The following EVC2 variants were observed in gnomAD, a reference collection of about 807,000 sequenced individuals.
The protein encoded by EVC2 is limbin.
Under a neutral mutation model 149.3 loss-of-function variants are expected in EVC2, and 148 were observed. That is an observed-to-expected ratio of 0.99 (90% CI 0.87 to 1.14). The LOEUF (loss-of-function observed/expected upper bound fraction) is 1.14. Ranked by LOEUF, EVC2 falls within the 50% of genes most tolerant of loss-of-function variation. The probability of loss-of-function intolerance (pLI) is 0.00; values close to 1 mark genes in which losing one functional copy is unlikely to be tolerated. For missense variants in EVC2, 1,854 were observed against 1,627.3 expected (o/e 1.14, Z -2.40); for synonymous variants, 776 against 649.9 (o/e 1.19, Z -2.95).
intron 16 of EVC2, among the ~76,000 whole-genome samples, chr4:5,598,650 T>C (rs2108807254): frequency 1.3e-5 from 2 of 152,244 alleles, no homozygotes; most frequent in East Asian, 3.9e-4. Flanking sequence ...ATTCAGGACA[T>C]AGGCATGGGC....
chr4:5,706,433 G>GATAGATAGATAC lies in EVC2; in HGVS notation c.228+1852_228+1853insGTATCTATCTAT, dbSNP rs1560243791. On this transcript the variant is annotated intron_variant, in intron 1 of 21. Transcript: ENST00000344408. ...AGATACATAGATAGATAGATACATAGATAGATAGATAGATACATACATACA... is the reference window on the plus strand; with the variant it reads ...AGATACATAGATAGATAGATACATAGATAGATAGATACATAGATAGATAGATACATACATACA... Among the ~76,000 whole-genome samples the GATAGATAGATAC allele has an allele frequency of 1.7e-3, 45 of 25,736 alleles. 1 individual carries two copies. The highest frequency in any genetic ancestry group is 3.6e-3 in the African/African-American group (36 of 10,014). The allele number at this position is 25,736 out of a possible 152,430, so 16.9% of individuals were successfully genotyped here.
At chr4:5,683,385 T>G (rs138962131) in intron 6 of EVC2, among the ~76,000 whole-genome samples, 2 of 152,330 alleles carry the variant, frequency 1.3e-5, no homozygotes, top group East Asian at 3.9e-4. Flanking sequence ...CTTCAGCTCT[T>G]TGTGAAACAT....
rs1722063712 is a variant in EVC2, at chr4:5,563,142, C to G, written c.3660-27G>C. 5 of 1,606,674 alleles carry G rather than the reference C, an allele frequency of 3.1e-6. No individual in the cohort carries two copies. The South Asian group carries it at 4.4e-5, about 14-fold the overall frequency. On this transcript the variant is annotated intron_variant, in intron 21 of 21. Coordinates refer to ENST00000344408, the MANE Select transcript of EVC2 (RefSeq NM_147127.5). The stretch of plus-strand genomic sequence containing the variant: ...TAAAGAAATAGCAAAAGATCAAATT[C>G]AATATTTTTGGCAATGAACCCTCTG...
At chr4:5,600,468 A>G (rs1230158756) in intron 16 of EVC2, among the ~76,000 whole-genome samples, 4 of 152,194 alleles carry the variant, frequency 2.6e-5, no homozygotes, top group African/African-American at 9.6e-5. Flanking sequence ...AAATCTTTAC[A>G]GTGGAGATGC....
At chr4:5,645,599 T>G (rs771121955) in intron 9 of EVC2, among the ~76,000 whole-genome samples, 1 of 152,246 alleles carries the variant, frequency 6.6e-6, no homozygotes, top group Non-Finnish European at 1.5e-5. Flanking sequence ...TCTCACTCTT[T>G]TTTAACGGCT....
At chr4:5,538,981 A>G (rs528100453), downstream of EVC2, among the ~76,000 whole-genome samples, 8 of 152,192 alleles carry the variant, frequency 5.3e-5, no homozygotes, top group Non-Finnish European at 1.0e-4. Context: ...AATAAAAAGC[A>G]TTCAGATTGG....
intron 16 of EVC2, among the ~76,000 whole-genome samples, chr4:5,594,338 G>C (rs561259591): frequency 6.6e-6 from 1 of 152,162 alleles, no homozygotes; most frequent in Non-Finnish European, 1.5e-5. Context: ...GGGGCAGACT[G>C]ACACCTCACA....
intron 16 of EVC2, among the ~76,000 whole-genome samples, chr4:5,599,041 G>C (rs903431004): frequency 1.3e-5 from 2 of 152,094 alleles, no homozygotes; most frequent in African/African-American, 4.8e-5. Context: ...ACACCAGTTA[G>C]AATGGCAATC....
At chr4:5,544,657 T>C (rs777822756) in intron 21 of EVC2, among the ~76,000 whole-genome samples, 8 of 152,048 alleles carry the variant, frequency 5.3e-5, no homozygotes, top group Non-Finnish European at 1.2e-4. Context: ...TCTCCGCATA[T>C]CACACTGGAT....
At chr4:5,555,484 C>T (rs1721822238) in intron 21 of EVC2, among the ~76,000 whole-genome samples, 2 of 152,040 alleles carry the variant, frequency 1.3e-5, no homozygotes, top group South Asian at 4.1e-4. Flanking sequence ...CTAACACTAA[C>T]TAAAAGAGAG....
In EVC2 at chr4:5,568,387, T is replaced by TG. The variant is rs1453034441; in HGVS notation, c.3557+56dup. On this transcript the variant is annotated intron_variant, in intron 20 of 21. Coordinates refer to ENST00000344408, the MANE Select transcript of EVC2 (RefSeq NM_147127.5). ...GGCCTCCCATGACCTTGAGGACTCA[T>TG]GGGGACCCTTGTGGACAGGGACGTG... is the stretch of plus-strand genomic sequence containing the variant. 4.6e-6 allele frequency: 7 copies of TG among 1,517,942 alleles called. No homozygotes were observed. In the African/African-American group the frequency reaches 6.9e-5, roughly 15 times the overall value. The allele number at this position is 1,517,942 out of a possible 1,614,324, so 94.0% of individuals were successfully genotyped here. A position where few individuals can be genotyped will look rare whatever the true frequency, so the allele number is the denominator to read the frequency against.
chr4:5,641,849 T>TG (rs1272441931), intron 9 of EVC2, among the ~76,000 whole-genome samples: 1 of 152,230 alleles, frequency 6.6e-6, no homozygotes, highest in African/African-American at 2.4e-5. Flanking sequence ...GGTTTACATG[T>TG]GCCATGGTGG....
At chr4:5,665,000 C>T (rs924901428) in intron 8 of EVC2, among the ~76,000 whole-genome samples, 2 of 135,156 alleles carry the variant, frequency 1.5e-5, no homozygotes, top group Non-Finnish European at 3.2e-5. Flanking sequence ...TGTGGGGTGA[C>T]GGGATGCGTG....
chr4:5,545,169 C>T (rs1433609014), intron 21 of EVC2, among the ~76,000 whole-genome samples: 1 of 152,226 alleles, frequency 6.6e-6, no homozygotes, highest in African/African-American at 2.4e-5. Flanking sequence ...AGATAGTGAG[C>T]TCCTCTCCAG....
chr4:5,628,558 C>T lies in EVC2; in HGVS notation c.1886+1G>A. ...ACTGTTGGGACAGTGTTGAGTGGTA[C>T]CTCTCGTGCTTCTGAATGAGGTGAG... On this transcript the variant is annotated splice_donor_variant, in intron 12 of 21. Coordinates refer to ENST00000344408, the MANE Select transcript of EVC2 (RefSeq NM_147127.5). LOFTEE classifies it high-confidence loss of function. 1 of 1,614,054 alleles carries T rather than the reference C, an allele frequency of 6.2e-7. No individual in the cohort carries two copies. The highest frequency in any genetic ancestry group is 1.1e-5 in the South Asian group (1 of 91,066).
chr4:5,685,568 T>C (rs776581733), intron 5 of EVC2, 89 bp from the exon 6 acceptor site: 66 of 1,075,018 alleles, frequency 6.1e-5, no homozygotes, highest in Non-Finnish European at 8.4e-5. Flanking sequence ...TCCTGGCCCC[T>C]GGCTTCAGTG....
At chr4:5,593,610 C>G (rs1237251871) in intron 16 of EVC2, among the ~76,000 whole-genome samples, 1 of 152,204 alleles carries the variant, frequency 6.6e-6, no homozygotes, top group South Asian at 2.1e-4. Context: ...CGAATAGGAA[C>G]AGCTCCGGTC....
intron 5 of EVC2, among the ~76,000 whole-genome samples, 195 bp downstream of exon 5, chr4:5,688,962 C>CT (rs777402435): frequency 3.3e-5 from 5 of 152,148 alleles, no homozygotes; most frequent in Non-Finnish European, 7.4e-5. Context: ...AGAAATTCAG[C>CT]TTTTTGGTTA....
chr4:5,564,063 A>G (rs1169307017), intron 21 of EVC2, among the ~76,000 whole-genome samples: 2 of 151,948 alleles, frequency 1.3e-5, no homozygotes, highest in African/African-American at 4.8e-5. Context: ...GGACAAGGCC[A>G]TGTCACTGGG....
Sources: gnomAD v4.1 joint callset for allele counts (sites outside exome capture counted in the v4.1 genomes callset) on GRCh38, gnomAD v4.1.1 for gene constraint, MANE v1.5 for transcripts, NCBI Gene and HGNC (gene_info 2026-07-23, HGNC 2026-07-21) for gene names.